Variants in STARD8 observed in about 807,000 individuals in gnomAD.
STARD8 encodes StAR related lipid transfer domain containing 8.
A neutral mutation model predicts 69.4 loss-of-function variants in STARD8; 25 were observed. The observed-to-expected ratio is 0.36, with a 90% CI of 0.26 to 0.50. STARD8 has a LOEUF of 0.50. STARD8 is among the 20% of genes least tolerant of loss of function. STARD8 has a pLI of 0.96. For missense variants in STARD8, 921 were observed against 932.5 expected, an observed-to-expected ratio of 0.99 and a Z score of 0.16; for synonymous variants, 389 against 374.6, an observed-to-expected ratio of 1.04 and a Z score of -0.45.
Position 68,695,494 on chromosome X carries a change from G to T in STARD8, c.80-17420G>T, listed in dbSNP as rs191959396. Among the ~76,000 whole-genome samples, 572 of 111,478 alleles carry T rather than the reference G, an allele frequency of 5.1e-3. 3 individuals are homozygous for T. The highest frequency in any genetic ancestry group is 0.017 in the African/African-American group (519 of 30,594). On this transcript the variant is annotated intron_variant, in intron 2 of 14. Transcript: ENST00000374599. ...GCCTCTCCTGTTTTTGGAGAATTAT[G>T]CTAAACCTCTCTGTGCATCTACAGC...
intron 1 of STARD8, among the ~76,000 whole-genome samples, chrX:68,650,277 G>C (rs904461424): frequency 9.2e-6 from 1 of 108,366 alleles, no homozygotes; most frequent in African/African-American, 3.4e-5. Context: ...AAATTTGCTG[G>C]GCACGGTGAT....
chrX:68,720,491 A>C, intron 8 of STARD8, 68 bp downstream of exon 8: 1 of 1,077,268 alleles, frequency 9.3e-7, no homozygotes, highest in Non-Finnish European at 1.2e-6. Context: ...CATTGGGCTG[A>C]AGGCTGAGGA....
intron 2 of STARD8, among the ~76,000 whole-genome samples, chrX:68,667,005 G>C (rs1450039623): frequency 1.8e-5 from 2 of 112,205 alleles, no homozygotes; most frequent in Non-Finnish European, 1.9e-5. Flanking sequence ...AGGCAGAGGT[G>C]CCAGCACTGA....
At position 68,675,841 on chromosome X, in the gene STARD8, TGAG is replaced by T. The variant is rs2079761851; in HGVS notation, c.79+10311_79+10313del. ...TCTCACGTCTGCCAATAAGCCCCTTTGAGGCCCGGTTTGCAGCAAGGGTCATTC... is the reference window on the plus strand; with the variant it reads ...TCTCACGTCTGCCAATAAGCCCCTTTGCCCGGTTTGCAGCAAGGGTCATTC... On this transcript the variant is annotated intron_variant, in intron 2 of 14. Transcript: ENST00000374599. Among the ~76,000 whole-genome samples, 3 of 111,709 alleles carry T rather than the reference TGAG, an allele frequency of 2.7e-5. No individual in the cohort carries two copies. In the Admixed American group the frequency reaches 2.8e-4, roughly 11 times the overall value.
At chrX:68,693,364 G>A (rs1010729886) in intron 2 of STARD8, among the ~76,000 whole-genome samples, 3 of 112,789 alleles carry the variant, frequency 2.7e-5, no homozygotes, top group East Asian at 2.8e-4. Context: ...AAACAGTGCC[G>A]GACTCATTCA....
chrX:68,660,772 C>T (rs1481548659), intron 1 of STARD8, among the ~76,000 whole-genome samples: 1 of 112,767 alleles, frequency 8.9e-6, no homozygotes, highest in Non-Finnish European at 1.9e-5. Flanking sequence ...AAAGCCACTG[C>T]ACCCACCTTC....
intron 2 of STARD8, among the ~76,000 whole-genome samples, chrX:68,702,540 T>C (rs2079974098): frequency 8.9e-6 from 1 of 112,183 alleles, no homozygotes; most frequent in Non-Finnish European, 1.9e-5. Flanking sequence ...AAAACCCTGG[T>C]AGATGATTTT....
chrX:68,715,483 T>C (rs2147930657), intron 4 of STARD8, 108 bp downstream of exon 4: 1 of 648,020 alleles, frequency 1.5e-6, no homozygotes, highest in South Asian at 3.2e-5. Flanking sequence ...CCCAGCTTAC[T>C]AACAAAGCTC....
intron 2 of STARD8, among the ~76,000 whole-genome samples, chrX:68,711,511 C>T (rs1219325480): frequency 1.8e-5 from 2 of 111,864 alleles, no homozygotes; most frequent in African/African-American, 6.5e-5. Flanking sequence ...CCAAAACCTG[C>T]AGGGGCTCCA....
At position 68,722,433 on chromosome X, in the gene STARD8, C is replaced by G. The variant is rs1277587122; in HGVS notation, c.2586C>G (p.Asp862Glu). ...DCKKLFQVPQ[D>E]MVLQLCSSYS... ...GTGTGCCCTCTCAGGTGCCCCAGGA[C>G]ATGGTGCTGCAGCTGTGCAGCTCCT... is the stretch of plus-strand genomic sequence containing the variant. Residue 862 changes from aspartate to glutamate, a missense_variant, in exon 12 of 15, where the codon GAC becomes GAG. By Grantham distance (45) the Asp-to-Glu change is conservative. Coordinates refer to ENST00000374599, the MANE Select transcript of STARD8 (RefSeq NM_001142503.3). 2 of 1,199,996 alleles carry G rather than the reference C, an allele frequency of 1.7e-6. No individual in the cohort carries two copies. Among genetic ancestry groups the G allele is most frequent in the Non-Finnish European group, 2.2e-6 (2 of 890,120 alleles).
chrX:68,687,631 T>C (rs1257279189), intron 2 of STARD8, among the ~76,000 whole-genome samples: 2 of 112,350 alleles, frequency 1.8e-5, no homozygotes, highest in African/African-American at 6.5e-5. Context: ...ATTGTACTTA[T>C]GGGGACACTG....
In STARD8 at chrX:68,721,203, G is replaced by A. The variant is rs1300586885; in HGVS notation, c.2248+81G>A. 5 of 1,077,059 alleles carry A rather than the reference G, an allele frequency of 4.6e-6. No homozygotes were observed. The East Asian group carries it at 1.5e-4, about 33-fold the overall frequency. 88.8% of individuals were successfully genotyped at this position (1,077,059 alleles called of 1,213,427 possible). On this transcript the variant is annotated intron_variant, in intron 9 of 14. Transcript: ENST00000374599. ...CCCAGAACTTGTGGAAGATAAACCT[G>A]GTGCAGGCAAATGTAGCTGGACCTG...
rs777855576 is a variant in STARD8 at position 68,717,213 on chromosome X, A to T, written c.299A>T (p.Asn100Ile). The T allele has an allele frequency of 8.4e-7, 1 of 1,186,699 alleles. No individual in the cohort carries two copies. Among genetic ancestry groups the T allele is most frequent in the African/African-American group, 1.7e-5 (1 of 57,211 alleles). The part of the protein sequence containing the change: ...KLEVHFQSKQ[N>I]EDSEEEEQCT... ...CTGATCCTGCAGTGCCTTTCCCAGA[A>T]TGAAGACTCAGAAGAGGAAGAGCAG... The change falls in exon 6 of 15, where the codon AAT (asparagine) becomes ATT (isoleucine). Residue 100 changes from asparagine (N) to isoleucine (I), a missense_variant and splice_region_variant. Coordinates refer to ENST00000374599, the MANE Select transcript of STARD8 (RefSeq NM_001142503.3).
chrX:68,648,576 C>A (rs1436054069), intron 1 of STARD8, among the ~76,000 whole-genome samples: 1 of 111,260 alleles, frequency 9.0e-6, no homozygotes, highest in Non-Finnish European at 1.9e-5. Context: ...GCTTAGGCAA[C>A]ATAAGGAGAC....
chrX:68,688,770 A>AT (rs1326909851), intron 2 of STARD8, among the ~76,000 whole-genome samples: 1 of 83,666 alleles, frequency 1.2e-5, no homozygotes, highest in Non-Finnish European at 2.4e-5. Context: ...CAGGCTCCCC[A>AT]CCCTTCCTTT....
chrX:68,683,617 A>T (rs919273176), intron 2 of STARD8, among the ~76,000 whole-genome samples: 2 of 112,066 alleles, frequency 1.8e-5, no homozygotes, highest in African/African-American at 6.5e-5. Flanking sequence ...GAAAAGATGA[A>T]TTTTAATAAG....
intron 1 of STARD8, among the ~76,000 whole-genome samples, chrX:68,653,440 TACACCTC>T (rs2147870438): frequency 2.2e-4 from 1 of 4,570 alleles, no homozygotes; most frequent in African/African-American, 8.1e-4. Context: ...ACACCACACA[TACACCTC>T]ACACCACACA....
intron 9 of STARD8, 108 bp from the exon 10 acceptor site, chrX:68,721,428 C>T: frequency 2.3e-6 from 2 of 856,607 alleles, no homozygotes; most frequent in Non-Finnish European, 1.6e-6. Flanking sequence ...TTCCCTCTCA[C>T]CGCTCCCCTT....
chrX:68,716,469 T>G (rs1235996317), intron 5 of STARD8, 38 bp downstream of exon 5: 4 of 1,181,002 alleles, frequency 3.4e-6, no homozygotes, highest in Non-Finnish European at 4.6e-6. Flanking sequence ...GGTCTTGTGG[T>G]GCCATAAGGA....
Sources: allele counts gnomAD v4.1 joint callset (sites outside exome capture counted in the v4.1 genomes callset), GRCh38; gene constraint gnomAD v4.1.1; transcripts MANE v1.5; gene names NCBI Gene and HGNC (gene_info 2026-07-23, HGNC 2026-07-21).